Variants in LMAN2 observed in about 807,000 individuals in gnomAD.
The protein encoded by LMAN2 is vesicular integral-membrane protein VIP36.
Under a neutral mutation model 39.3 loss-of-function variants are expected in LMAN2, and 22 were observed. The ratio of observed to expected loss-of-function variants is 0.56; its 90% CI spans 0.40 to 0.80. LMAN2 has a LOEUF of 0.80. Among genes scored for constraint, LMAN2 ranks in the 30% least tolerant of loss-of-function variants. The pLI is 0.00. For missense variants in LMAN2, 494 were observed against 505.4 expected (o/e 0.98, Z 0.22); for synonymous variants, 207 against 207.8 (o/e 1.00, Z 0.03).
intron 2 of LMAN2, among the ~76,000 whole-genome samples, chr5:177,340,847 C>T (rs538996273): frequency 2.9e-4 from 43 of 149,242 alleles, no homozygotes; most frequent in African/African-American, 1.1e-3. Flanking sequence ...CTCTGCCTCC[C>T]GGGTTCACGC....
chr5:177,340,184 C>T lies in LMAN2; in HGVS notation c.316-1579G>A, dbSNP rs575284753. ...CTAAAAAGAAAACCATATTTAGGCACAAAAAAAGAAGGGAGGGATAGAGGA... is the reference window on the plus strand; with the variant it reads ...CTAAAAAGAAAACCATATTTAGGCATAAAAAAAGAAGGGAGGGATAGAGGA... On this transcript the variant is annotated intron_variant, in intron 2 of 7. Transcript: ENST00000303127. Among the ~76,000 whole-genome samples the T allele has an allele frequency of 3.1e-3, 477 of 151,746 alleles. 1 individual carries two copies. Among genetic ancestry groups the T allele is most frequent in the African/African-American group, 0.011 (446 of 41,376 alleles).
Position 177,331,852 on chromosome 5 carries a change from A to G in LMAN2, c.*234T>C. The G allele has an allele frequency of 4.1e-6, 2 of 487,702 alleles. No homozygotes were observed. The highest frequency in any genetic ancestry group is 7.3e-6 in the Non-Finnish European group (2 of 274,284). 30.2% of individuals were successfully genotyped at this position (487,702 alleles called of 1,614,324 possible). On this transcript the variant is annotated 3_prime_UTR_variant, in exon 8 of 8. Coordinates refer to ENST00000303127, the MANE Select transcript of LMAN2 (RefSeq NM_006816.3). ...CTGTAGACACAGACCCCTGCTCCTG[A>G]GACACCAGCCCCAGGAGAGCCTCCG...
At chr5:177,343,128 A>G (rs1450863840) in intron 2 of LMAN2, among the ~76,000 whole-genome samples, 3 of 151,676 alleles carry the variant, frequency 2.0e-5, no homozygotes, top group African/African-American at 7.3e-5. Context: ...GGTGGCAGGC[A>G]CCTGTAGTCC....
intron 6 of LMAN2, 90 bp from the exon 7 acceptor site, chr5:177,334,493 C>A (rs1761440757): frequency 6.6e-7 from 1 of 1,513,124 alleles, no homozygotes; most frequent in East Asian, 2.3e-5. Flanking sequence ...GCTGCTGCTG[C>A]AGCCAGTAAA....
chr5:177,340,794 G>T (rs905552591), intron 2 of LMAN2, among the ~76,000 whole-genome samples: 34 of 150,592 alleles, frequency 2.3e-4, no homozygotes, highest in African/African-American at 8.2e-4. Context: ...TCACTCTGTC[G>T]CCCAGGCTGG....
At chr5:177,347,084 GATAA>G (rs1296173382) in intron 2 of LMAN2, among the ~76,000 whole-genome samples, 4 of 152,018 alleles carry the variant, frequency 2.6e-5, no homozygotes, top group Admixed American at 6.6e-5. Flanking sequence ...AATTTTAAAA[GATAA>G]CTAAAATAGC....
chr5:177,344,216 C>A (rs1004637300), intron 2 of LMAN2, among the ~76,000 whole-genome samples: 10 of 149,768 alleles, frequency 6.7e-5, no homozygotes, highest in East Asian at 3.9e-4. Context: ...AGACCCCCCC[C>A]ATCTCTAAAA....
chr5:177,340,556 T>G (rs545378800), intron 2 of LMAN2, among the ~76,000 whole-genome samples: 2 of 152,062 alleles, frequency 1.3e-5, no homozygotes, highest in African/African-American at 4.8e-5. Flanking sequence ...GGCAGGTGGA[T>G]CACTTGAGGT....
intron 2 of LMAN2, among the ~76,000 whole-genome samples, chr5:177,341,981 A>G (rs1486084671): frequency 6.6e-6 from 1 of 152,210 alleles, no homozygotes; most frequent in Non-Finnish European, 1.5e-5. Flanking sequence ...GAAAAATAGG[A>G]TAATAAAAAT....
intron 2 of LMAN2, among the ~76,000 whole-genome samples, chr5:177,342,521 C>CA (rs1761570814): frequency 6.6e-6 from 1 of 151,782 alleles, no homozygotes; most frequent in Non-Finnish European, 1.5e-5. Context: ...CCTGTCTCTA[C>CA]AAAAAAATAC....
At chr5:177,349,977 G>T (rs1051366327) in intron 2 of LMAN2, among the ~76,000 whole-genome samples, 1 of 152,202 alleles carries the variant, frequency 6.6e-6, no homozygotes, top group South Asian at 2.1e-4. Context: ...GGCAGCCAGG[G>T]GGGGCTGGAA....
At chr5:177,349,016 C>T (rs1761680860) in intron 2 of LMAN2, among the ~76,000 whole-genome samples, 1 of 152,050 alleles carries the variant, frequency 6.6e-6, no homozygotes, top group African/African-American at 2.4e-5. Context: ...ATACTTAAAC[C>T]TAATGACAAA....
chr5:177,332,116 C>G lies in LMAN2; in HGVS notation c.1041G>C (p.Lys347Asn). The G allele has an allele frequency of 1.2e-6, 2 of 1,613,530 alleles. No individual in the cohort carries two copies. The highest frequency in any genetic ancestry group is 1.3e-5 in the African/African-American group (1 of 75,050). ...CAVVGAVVFQ[K>N]RQERNKRFY Reference sequence around the variant, plus strand: ...AGAAGCGCTTGTTCCGCTCCTGCCGCTTCTGGAACACCACGGCCCCCACCA... The same window carrying G: ...AGAAGCGCTTGTTCCGCTCCTGCCGGTTCTGGAACACCACGGCCCCCACCA... The change falls in exon 8 of 8, where the codon AAG (lysine) becomes AAC (asparagine). Residue 347 changes from lysine to asparagine, a missense_variant. Physicochemically the swap from Lys to Asn is moderately conservative, Grantham distance 94. Coordinates refer to ENST00000303127, the MANE Select transcript of LMAN2 (RefSeq NM_006816.3). This position sits in a 1 kb window ranked among gnomAD's most constrained non-coding sequence, Gnocchi z 6.3.
intron 6 of LMAN2, among the ~76,000 whole-genome samples, chr5:177,335,161 A>C (rs1459833024): frequency 6.6e-6 from 1 of 152,084 alleles, no homozygotes; most frequent in Non-Finnish European, 1.5e-5. Context: ...CCAAGGGGGG[A>C]CCTAATGAGC....
In LMAN2 at chr5:177,336,981, G is replaced by A. The variant is rs1041229467; in HGVS notation, c.790+155C>T. On this transcript the variant is annotated intron_variant, in intron 6 of 7. Coordinates refer to ENST00000303127, the MANE Select transcript of LMAN2 (RefSeq NM_006816.3). ...TGAGCCCAGAAACCACAGGAACTGA[G>A]GCCCGGACAGGCCATTTACAGAAGA... The A allele has an allele frequency of 6.5e-5, 41 of 631,208 alleles. No homozygotes were observed. The African/African-American group carries it at 7.1e-4, about 11-fold the overall frequency. The allele number at this position is 631,208 out of a possible 1,614,324, so 39.1% of individuals were successfully genotyped here.
chr5:177,335,606 C>A (rs1761457960), intron 6 of LMAN2, among the ~76,000 whole-genome samples: 1 of 152,158 alleles, frequency 6.6e-6, no homozygotes, highest in Non-Finnish European at 1.5e-5. Context: ...CAACCCGGGG[C>A]AGGAGGGAAA....
Position 177,342,495 on chromosome 5 carries a change from G to A in LMAN2, c.316-3890C>T, listed in dbSNP as rs551759683. On this transcript the variant is annotated intron_variant, in intron 2 of 7. Transcript: ENST00000303127. ...AGCGCAGAAGTTCAAGACTAGCCCAGGCAACACGGTGAAAACCTGTCTCTA... is the reference window on the plus strand; with the variant it reads ...AGCGCAGAAGTTCAAGACTAGCCCAAGCAACACGGTGAAAACCTGTCTCTA... Among the ~76,000 whole-genome samples, 4 of 152,226 alleles carry A rather than the reference G, an allele frequency of 2.6e-5. No homozygotes were observed. In the East Asian group the frequency reaches 7.7e-4, roughly 29 times the overall value.
At chr5:177,344,015 G>A (rs1224573226) in intron 2 of LMAN2, among the ~76,000 whole-genome samples, 1 of 151,620 alleles carries the variant, frequency 6.6e-6, no homozygotes, top group Non-Finnish European at 1.5e-5. Flanking sequence ...TTCGAGACCA[G>A]CCCGGGGCAG....
intron 2 of LMAN2, among the ~76,000 whole-genome samples, chr5:177,347,672 A>C (rs1761655146): frequency 6.6e-6 from 1 of 152,234 alleles, no homozygotes; most frequent in South Asian, 2.1e-4. Context: ...ACAGTTCAGC[A>C]GTTTCCACAT....
Sources: gnomAD v4.1 joint callset for allele counts (sites outside exome capture counted in the v4.1 genomes callset) on GRCh38, gnomAD v4.1.1 for gene constraint, Gnocchi (gnomAD v3.1) non-coding constraint, MANE v1.5 for transcripts, NCBI Gene and HGNC (gene_info 2026-07-23, HGNC 2026-07-21) for gene names.